Variants in ADAM10 observed in about 807,000 individuals in gnomAD.
The protein encoded by ADAM10 is ADAM metallopeptidase domain 10, also known as disintegrin and metalloproteinase domain-containing protein 10.
In ADAM10, 17 loss-of-function variants were observed where a neutral mutation model predicts 90.1. The ratio of observed to expected loss-of-function variants is 0.19; its 90% confidence interval spans 0.13 to 0.28. ADAM10 has a LOEUF of 0.28. Among genes scored for constraint, ADAM10 ranks in the 10% least tolerant of loss-of-function variants. The pLI, the probability that ADAM10 is intolerant of heterozygous loss-of-function variation, is 1.00. For synonymous variants in ADAM10, 310 were observed against 298.6 expected, an observed-to-expected ratio of 1.04 and a Z score of -0.40; for missense variants, 610 against 914.3, an observed-to-expected ratio of 0.67 and a Z score of 4.29.
chr15:58,740,443 A>G (rs1899573524), intron 1 of ADAM10, among the ~76,000 whole-genome samples: 2 of 152,070 alleles, frequency 1.3e-5, no homozygotes, highest in Non-Finnish European at 2.9e-5. Flanking sequence ...AGCAATATCT[A>G]TAAAATAGAA....
chr15:58,619,197 G>T (rs1208975406), intron 11 of ADAM10, among the ~76,000 whole-genome samples: 1 of 152,078 alleles, frequency 6.6e-6, no homozygotes, highest in Admixed American at 6.6e-5. Flanking sequence ...AACGGAAATA[G>T]AAGTCATCAT....
At chr15:58,718,662 C>T (rs947613804) in intron 1 of ADAM10, among the ~76,000 whole-genome samples, 13 of 152,150 alleles carry the variant, frequency 8.5e-5, no homozygotes, top group African/African-American at 2.7e-4. Context: ...ACTTATAGCC[C>T]TATCTGAGCA....
Position 58,593,149 on chromosome 15 carries a change from A to AT in ADAM10, c.*4397dup, listed in dbSNP as rs766149223. Reference sequence around the variant, plus strand: ...AAAGTAACAAAGGCCAGGTACTCAAATTTTTTTTTTTTTTTTTTTTTTTTT... The same window carrying AT: ...AAAGTAACAAAGGCCAGGTACTCAAATTTTTTTTTTTTTTTTTTTTTTTTTT... On this transcript the variant is annotated 3_prime_UTR_variant, in exon 16 of 16. Transcript: ENST00000260408. 9 of 68,400 alleles carry AT rather than the reference A, an allele frequency of 1.3e-4. 2 individuals are homozygous for AT. Among genetic ancestry groups the AT allele is most frequent in the African/African-American group, 1.7e-4 (3 of 17,924 alleles). The allele number at this position is 68,400 out of a possible 1,614,324, so 4.2% of individuals were successfully genotyped here. A position where few individuals can be genotyped will look rare whatever the true frequency, so the allele number is the denominator to read the frequency against.
chr15:58,701,633 G>C lies in ADAM10; in HGVS notation c.206+15944C>G, dbSNP rs546253055. ...CACATGATCCGGCAATCCTGCTACT[G>C]GGTGTTTATCCAAAGGAAAAGAAAT... On this transcript the variant is annotated intron_variant, in intron 2 of 15. Transcript: ENST00000260408. Among the ~76,000 whole-genome samples, 18 of 152,248 alleles carry C rather than the reference G, an allele frequency of 1.2e-4. No individual in the cohort carries two copies. In the East Asian group the frequency reaches 1.7e-3, roughly 15 times the overall value.
intron 3 of ADAM10, among the ~76,000 whole-genome samples, chr15:58,680,595 A>G (rs1265108674): frequency 6.6e-6 from 1 of 152,220 alleles, no homozygotes; most frequent in African/African-American, 2.4e-5. Flanking sequence ...GGTTCTTAAT[A>G]TAATCACAAC....
chr15:58,652,211 T>C (rs1320798694), intron 5 of ADAM10, among the ~76,000 whole-genome samples: 3 of 152,184 alleles, frequency 2.0e-5, no homozygotes, highest in Admixed American at 2.0e-4. Context: ...CCCCACTTTG[T>C]TAATCGTATC....
intron 9 of ADAM10, among the ~76,000 whole-genome samples, chr15:58,628,457 T>G (rs1468223398): frequency 6.6e-6 from 1 of 152,206 alleles, no homozygotes; most frequent in African/African-American, 2.4e-5. Context: ...AGCCTAGAGA[T>G]AAAACCAAAA....
chr15:58,612,210 C>T (rs1895458361), intron 11 of ADAM10, among the ~76,000 whole-genome samples: 1 of 152,102 alleles, frequency 6.6e-6, no homozygotes, highest in African/African-American at 2.4e-5. Context: ...AGCCGTGTGT[C>T]CCAAAGAAAC....
chr15:58,593,148 A>ATTTT lies in ADAM10; in HGVS notation c.*4398_*4399insAAAA, dbSNP rs1566960143. On this transcript the variant is annotated 3_prime_UTR_variant, in exon 16 of 16. Coordinates refer to ENST00000260408, the MANE Select transcript of ADAM10 (RefSeq NM_001110.4). The stretch of plus-strand genomic sequence containing the variant: ...AAAAGTAACAAAGGCCAGGTACTCA[A>ATTTT]ATTTTTTTTTTTTTTTTTTTTTTTT... 4.5e-5 allele frequency: 5 copies of ATTTT among 110,580 alleles called. No individual in the cohort carries two copies. The highest frequency in any genetic ancestry group is 7.7e-5 in the Non-Finnish European group (4 of 51,786). The allele number at this position is 110,580 out of a possible 1,614,324, so 6.8% of individuals were successfully genotyped here.
intron 2 of ADAM10, chr15:58,692,061 C>A: frequency 2.1e-6 from 1 of 472,018 alleles, no homozygotes; most frequent in Non-Finnish European, 4.3e-6. Context: ...GGGAAAGATC[C>A]TTAAGAGTCA....
At chr15:58,691,676 CTTTTTTTTTTTT>C (rs71116587) in intron 2 of ADAM10, 9 of 231,886 alleles carry the variant, frequency 3.9e-5, no homozygotes, top group Admixed American at 3.7e-4. Context: ...ACTTCTTCTT[CTTTTTTTTTTTT>C]TTTTTTTTTT....
At position 58,682,328 on chromosome 15, in the gene ADAM10, T is replaced by C. The variant is rs1363300098; in HGVS notation, c.207-14A>G. On this transcript the variant is annotated splice_polypyrimidine_tract_variant and intron_variant, in intron 2 of 15. Transcript: ENST00000260408. Reference sequence around the variant, plus strand: ...AGGTTGAAATGTCTGTAAAATGGGATGGGAAGGGGGAACAACTGAAATTAA... The same window carrying C: ...AGGTTGAAATGTCTGTAAAATGGGACGGGAAGGGGGAACAACTGAAATTAA... The C allele has an allele frequency of 6.2e-7, 1 of 1,608,538 alleles. No individual in the cohort carries two copies. The highest frequency in any genetic ancestry group is 8.5e-7 in the Non-Finnish European group (1 of 1,178,170).
At chr15:58,691,192 C>T (rs765850589) in intron 2 of ADAM10, 2 of 737,732 alleles carry the variant, frequency 2.7e-6, no homozygotes, top group South Asian at 1.4e-5. Context: ...TCTAAGATTT[C>T]TTTCATGAGC....
At chr15:58,665,042 A>G in intron 5 of ADAM10, 55 bp downstream of exon 5, 1 of 1,261,300 alleles carries the variant, frequency 7.9e-7, no homozygotes, top group Non-Finnish European at 1.2e-6. Flanking sequence ...ATGTAGATAT[A>G]CATCCTCAAA....
At chr15:58,619,969 C>CT (rs1555411722) in intron 11 of ADAM10, among the ~76,000 whole-genome samples, 10 of 148,150 alleles carry the variant, frequency 6.7e-5, no homozygotes, top group South Asian at 2.1e-4. Flanking sequence ...AAGTGTGCGA[C>CT]TTTTTTTTTT....
chr15:58,607,790 T>C (rs1001973242), intron 14 of ADAM10, among the ~76,000 whole-genome samples: 4 of 152,094 alleles, frequency 2.6e-5, no homozygotes, highest in Non-Finnish European at 4.4e-5. Flanking sequence ...AACAATACAT[T>C]TGAACAATAA....
intron 1 of ADAM10, among the ~76,000 whole-genome samples, chr15:58,740,730 G>A (rs193106823): frequency 1.1e-3 from 166 of 151,994 alleles, no homozygotes; most frequent in Non-Finnish European, 1.6e-3. Flanking sequence ...GTTTTTTAAA[G>A]GTATACAGAA....
chr15:58,589,054 T>TA lies in ADAM10; in HGVS notation c.*8492dup, dbSNP rs1402115391. The TA allele has an allele frequency of 2.8e-4, 42 of 152,368 alleles. No homozygotes were observed. Among genetic ancestry groups the TA allele is most frequent in the African/African-American group, 9.6e-4 (40 of 41,592 alleles). 9.4% of individuals were successfully genotyped at this position (152,368 alleles called of 1,614,324 possible). A position where few individuals can be genotyped will look rare whatever the true frequency, so the allele number is the denominator to read the frequency against. On this transcript the variant is annotated 3_prime_UTR_variant, in exon 16 of 16. Coordinates refer to ENST00000260408, the MANE Select transcript of ADAM10 (RefSeq NM_001110.4). Reference sequence around the variant, plus strand: ...AATGAGATATGTTAAAAGTTAAAAATACAGCTGTTGGTAATGTGTTGTAAT... The same window carrying TA: ...AATGAGATATGTTAAAAGTTAAAAATAACAGCTGTTGGTAATGTGTTGTAAT...
chr15:58,604,128 G>A (rs1402414697), intron 14 of ADAM10, among the ~76,000 whole-genome samples: 4 of 152,058 alleles, frequency 2.6e-5, no homozygotes, highest in Non-Finnish European at 5.9e-5. Flanking sequence ...GTGGGAAGCC[G>A]GGGCGGGTGG....
Sources: gnomAD v4.1 joint callset for allele counts (sites outside exome capture counted in the v4.1 genomes callset) on GRCh38, gnomAD v4.1.1 for gene constraint, MANE v1.5 for transcripts, NCBI Gene and HGNC (gene_info 2026-07-23, HGNC 2026-07-21) for gene names.